Variants in GRK6 observed in about 807,000 individuals in gnomAD.
GRK6 encodes G protein-coupled receptor kinase 6.
GRK6 carries 37 observed loss-of-function variants against 80.8 expected under a neutral mutation model. The ratio of observed to expected loss-of-function variants is 0.46; its 90% CI spans 0.35 to 0.60. The LOEUF (loss-of-function observed/expected upper bound fraction) is 0.60. Among genes scored for constraint, GRK6 ranks in the 20% least tolerant of loss-of-function variants. GRK6 has a pLI of 0.00. For missense variants in GRK6, 560 were observed against 784.6 expected (o/e 0.71, Z 3.42); for synonymous variants, 295 against 320.9 (o/e 0.92, Z 0.86).
rs766186674 is a variant in GRK6, at chr5:177,432,701, C to T, written c.340-5C>T. 9 of 1,587,728 alleles carry T rather than the reference C, an allele frequency of 5.7e-6. No homozygotes were observed. The highest frequency in any genetic ancestry group is 1.7e-4 in the Middle Eastern group (1 of 6,052). On this transcript the variant is annotated splice_polypyrimidine_tract_variant and splice_region_variant and intron_variant, in intron 4 of 15. Coordinates refer to ENST00000355472, the MANE Select transcript of GRK6 (RefSeq NM_001004106.3). ...TGCACTGACCTGTCTGGGGCTTGTT[C>T]CCAGGGTCCTGACCTCATCCCTGAG...
intron 13 of GRK6, 99 bp downstream of exon 13, chr5:177,436,629 G>GA: frequency 1.7e-6 from 2 of 1,153,368 alleles, no homozygotes; most frequent in Non-Finnish European, 1.2e-6. Context: ...GCAAGTGGCA[G>GA]AAAAAACAAT....
At chr5:177,433,085 C>G in intron 5 of GRK6, 62 bp from the exon 6 acceptor site, 1 of 1,448,078 alleles carries the variant, frequency 6.9e-7, no homozygotes, top group Non-Finnish European at 9.7e-7. Context: ...CCTGGCCCAG[C>G]AAGCCAAGAG....
upstream of GRK6, among the ~76,000 whole-genome samples, chr5:177,426,044 C>G (rs1211871567): frequency 1.3e-5 from 2 of 152,190 alleles, no homozygotes; most frequent in African/African-American, 2.4e-5. Flanking sequence ...CTGGGCGGGG[C>G]GCCTGCGGCG....
upstream of GRK6, among the ~76,000 whole-genome samples, chr5:177,425,893 C>G (rs1001998624): frequency 1.3e-5 from 2 of 152,256 alleles, no homozygotes; most frequent in Admixed American, 6.5e-5. Flanking sequence ...TGACGTCCGG[C>G]GCCTCAGCTC....
Position 177,442,178 on chromosome 5 carries a change from A to C in GRK6, c.*388A>C. ...GGCAGAGGAGCCACTGCCAAACTCA[A>C]GGCTCCTCTGGCCCAGCTTGGATGG... On this transcript the variant is annotated 3_prime_UTR_variant, in exon 16 of 16. Coordinates refer to ENST00000355472, the MANE Select transcript of GRK6 (RefSeq NM_001004106.3). 1 of 265,406 alleles carries C rather than the reference A, an allele frequency of 3.8e-6. No individual in the cohort carries two copies. The highest frequency in any genetic ancestry group is 7.2e-6 in the Non-Finnish European group (1 of 138,506). The allele number at this position is 265,406 out of a possible 1,614,324, so 16.4% of individuals were successfully genotyped here. A position where few individuals can be genotyped will look rare whatever the true frequency, so the allele number is the denominator to read the frequency against.
At chr5:177,440,197 G>T (rs1378904424) in intron 13 of GRK6, among the ~76,000 whole-genome samples, 2 of 152,248 alleles carry the variant, frequency 1.3e-5, no homozygotes, top group Non-Finnish European at 2.9e-5. Flanking sequence ...GAAGGTGGCC[G>T]CCTGGAGCTG....
At position 177,433,181 on chromosome 5, in the gene GRK6, G is replaced by T; in HGVS notation, c.475G>T (p.Ala159Ser). 6.2e-7 allele frequency: 1 copy of T among 1,614,126 alleles called. No homozygotes were observed. The highest frequency in any genetic ancestry group is 8.5e-7 in the Non-Finnish European group (1 of 1,180,020). The change falls in exon 6 of 16, where the codon GCC becomes TCC. Residue 159 changes from alanine (A) to serine (S), a missense_variant. By Grantham distance (99) the Ala-to-Ser change is moderately conservative. Transcript: ENST00000355472. ...THEYLSVAPF[A>S]DYLDSIYFNR... ...CGAGTACCTGAGCGTGGCCCCTTTT[G>T]CCGACTACCTCGACAGCATCTACTT...
chr5:177,432,599 C>T, intron 4 of GRK6, 107 bp from the exon 5 acceptor site: 1 of 820,750 alleles, frequency 1.2e-6, no homozygotes, highest in Non-Finnish European at 1.9e-6. Context: ...ACACCCTGGC[C>T]TGCAGCCTCT....
intron 13 of GRK6, 145 bp downstream of exon 13, chr5:177,436,675 A>C: frequency 2.4e-6 from 2 of 828,850 alleles, no homozygotes; most frequent in South Asian, 1.9e-5. Flanking sequence ...GATAATTCAC[A>C]AAAAGGAAAA....
Position 177,441,727 on chromosome 5 carries a change from G to A in GRK6, c.1678-10G>A, listed in dbSNP as rs768722794. The A allele has an allele frequency of 8.1e-6, 13 of 1,608,050 alleles. No individual in the cohort carries two copies. The highest frequency in any genetic ancestry group is 1.7e-5 in the Admixed American group (1 of 59,990). ...CTCTCCCTCCCTCCGTGTCTTCCCCGTCCCTCCAGGATTGCTGTGGAAACT... is the reference window on the plus strand; with the variant it reads ...CTCTCCCTCCCTCCGTGTCTTCCCCATCCCTCCAGGATTGCTGTGGAAACT... On this transcript the variant is annotated splice_polypyrimidine_tract_variant and intron_variant, in intron 15 of 15. Transcript: ENST00000355472.
At chr5:177,436,596 G>A (rs1035512225) in intron 13 of GRK6, 66 bp downstream of exon 13, 2 of 1,435,838 alleles carry the variant, frequency 1.4e-6, no homozygotes, top group African/African-American at 2.9e-5. Flanking sequence ...GGCTCTTGTA[G>A]TATCAGCCAG....
intron 8 of GRK6, 55 bp downstream of exon 8, chr5:177,433,731 TCCCCACCCCCCAGG>T (rs1209427305): frequency 3.8e-6 from 6 of 1,598,574 alleles, no homozygotes; most frequent in Non-Finnish European, 4.3e-6. Flanking sequence ...GCACCGACCG[TCCCCACCCCCCAGG>T]CCCCACCCTC....
At chr5:177,439,274 C>T (rs944028164) in intron 13 of GRK6, among the ~76,000 whole-genome samples, 4 of 152,208 alleles carry the variant, frequency 2.6e-5, no homozygotes, top group African/African-American at 9.6e-5. Flanking sequence ...CGTGGTGGCT[C>T]ATGCCTGTAA....
At position 177,435,098 on chromosome 5, in the gene GRK6, G is replaced by A. The variant is rs1387832979; in HGVS notation, c.1034G>A (p.Arg345His). 5.6e-6 allele frequency: 9 copies of A among 1,609,978 alleles called. No individual in the cohort carries two copies. The highest frequency in any genetic ancestry group is 1.3e-5 in the African/African-American group (1 of 74,828). ...HVPEGQTIKGRVGTVGYMAPE... is the reference protein window; with the variant it reads ...HVPEGQTIKGHVGTVGYMAPE... ...CCCGAGGGCCAGACCATCAAAGGGCGTGTGGGCACCGTGGGTTACATGGGT... is the reference window on the plus strand; with the variant it reads ...CCCGAGGGCCAGACCATCAAAGGGCATGTGGGCACCGTGGGTTACATGGGT... Residue 345 changes from arginine (R) to histidine (H), a missense_variant, in exon 11 of 16, where the codon CGT becomes CAT. Physicochemically the swap from Arg to His is conservative, Grantham distance 29. Coordinates refer to ENST00000355472, the MANE Select transcript of GRK6 (RefSeq NM_001004106.3).
intron 9 of GRK6, among the ~76,000 whole-genome samples, 166 bp from the exon 10 acceptor site, chr5:177,434,736 C>T (rs111874458): frequency 5.9e-5 from 9 of 152,292 alleles, no homozygotes; most frequent in South Asian, 4.2e-4. Context: ...CCCTTGAGTC[C>T]GGGCTGTTGC....
chr5:177,434,970 TGG>T (rs1207230499), intron 10 of GRK6, 31 bp downstream of exon 10: 1 of 1,031,020 alleles, frequency 9.7e-7, no homozygotes, highest in Admixed American at 1.8e-5. Context: ...TGGGTCAGGG[TGG>T]GGTGAGATGC....
chr5:177,436,200 G>A lies in GRK6; in HGVS notation c.1185G>A (p.Glu395=), dbSNP rs752211378. 21 of 1,614,110 alleles carry A rather than the reference G, an allele frequency of 1.3e-5. No homozygotes were observed. The highest frequency in any genetic ancestry group is 1.7e-5 in the Non-Finnish European group (20 of 1,180,042). ...FQQRKKKIKR[E]EVERLVKEVP... ...AGAGGAAGAAGAAGATCAAGCGGGA[G>A]GAGGTGGAGCGGCTGGTGAAGGAGG... Residue 395 remains glutamate, a synonymous_variant, in exon 12 of 16, where the codon GAG becomes GAA. Transcript: ENST00000355472.
At chr5:177,431,881 C>CCACACTG in intron 2 of GRK6, 114 bp from the exon 3 acceptor site, 4 of 896,450 alleles carry the variant, frequency 4.5e-6, no homozygotes, top group Non-Finnish European at 7.3e-6. Context: ...ATTGTGGCTA[C>CCACACTG]CACACTGCAG....
chr5:177,432,011 C>A lies in GRK6; in HGVS notation c.165C>A (p.Ser55Arg). ...TGCCAACAGAGCGTGACTATCACAGCCTGTGCGAGCGGCAGCCCATTGGGC... is the reference window on the plus strand; with the variant it reads ...TGCCAACAGAGCGTGACTATCACAGACTGTGCGAGCGGCAGCCCATTGGGC... ...LRLSLERDYH[S>R]LCERQPIGRL... The change falls in exon 3 of 16, where the codon AGC becomes AGA. Residue 55 changes from serine (S) to arginine (R), a missense_variant. Ser to Arg is a moderately radical substitution (Grantham distance 110, BLOSUM62 -1). Around this residue, in one of 3 missense-constraint regions of GRK6, gnomAD observed 189 missense variants for 230.2 expected, o/e 0.82. Transcript: ENST00000355472. 6.2e-7 allele frequency: 1 copy of A among 1,613,306 alleles called. No homozygotes were observed. The highest frequency in any genetic ancestry group is 8.5e-7 in the Non-Finnish European group (1 of 1,179,854).
Sources: allele counts gnomAD v4.1 joint callset (sites outside exome capture counted in the v4.1 genomes callset), GRCh38; gene constraint gnomAD v4.1.1; regional missense constraint gnomAD v4.1.1; transcripts MANE v1.5; gene names NCBI Gene and HGNC (gene_info 2026-07-23, HGNC 2026-07-21).